Variants in PDE4D observed in about 807,000 individuals in gnomAD.
The protein encoded by PDE4D is phosphodiesterase 4D.
PDE4D carries 24 observed loss-of-function variants against 87.4 expected under a neutral mutation model. The ratio of observed to expected loss-of-function variants is 0.27; its 90% CI spans 0.20 to 0.39. The LOEUF is 0.39. PDE4D is among the 10% of genes least tolerant of loss of function. The pLI is 1.00. For synonymous variants in PDE4D, 384 were observed against 383.2 expected (o/e 1.00, Z -0.02); for missense variants, 714 against 1,041.0 (o/e 0.69, Z 4.32).
chr5:59,685,195 T>C (rs144507948), intron 1 of PDE4D, among the ~76,000 whole-genome samples: 115 of 152,348 alleles, frequency 7.5e-4, no homozygotes, highest in African/African-American at 2.7e-3. Flanking sequence ...CATAACTGTC[T>C]ATGTAGTTTT....
chr5:59,860,944 T>A (rs1373717866), intron 1 of PDE4D, among the ~76,000 whole-genome samples: 1 of 151,954 alleles, frequency 6.6e-6, no homozygotes, highest in Non-Finnish European at 1.5e-5. Context: ...CTGCAACCTC[T>A]GCCTCCCGGG....
At chr5:60,225,977 G>T (rs1044245610) in intron 1 of PDE4D, among the ~76,000 whole-genome samples, 2 of 152,038 alleles carry the variant, frequency 1.3e-5, no homozygotes, top group African/African-American at 4.8e-5. Flanking sequence ...TTTTGAAACT[G>T]TAACAAAATA....
At chr5:59,145,872 A>C (rs1028026957) in intron 5 of PDE4D, among the ~76,000 whole-genome samples, 2 of 152,318 alleles carry the variant, frequency 1.3e-5, no homozygotes, top group African/African-American at 4.8e-5. Context: ...CATGCCTGTA[A>C]TCCCAGCACT....
At chr5:60,106,455 A>T (rs1776930510) in intron 2 of PDE4D, among the ~76,000 whole-genome samples, 2 of 152,080 alleles carry the variant, frequency 1.3e-5, no homozygotes, top group South Asian at 4.2e-4. Flanking sequence ...TCAACGAGAC[A>T]GAAAGTTAAC....
chr5:59,458,228 G>T (rs1800217455), intron 1 of PDE4D, among the ~76,000 whole-genome samples: 1 of 152,176 alleles, frequency 6.6e-6, no homozygotes, highest in African/African-American at 2.4e-5. Context: ...ACCAAAAACT[G>T]TGTAGAAAGA....
intron 5 of PDE4D, among the ~76,000 whole-genome samples, chr5:59,099,568 T>C (rs191708028): frequency 6.7e-6 from 1 of 148,798 alleles, no homozygotes; most frequent in African/African-American, 2.6e-5. Context: ...AATGTGACAG[T>C]ACGAGTTACT....
At chr5:59,798,639 A>T (rs1309423372) in intron 1 of PDE4D, among the ~76,000 whole-genome samples, 2 of 152,232 alleles carry the variant, frequency 1.3e-5, no homozygotes, top group Non-Finnish European at 2.9e-5. Flanking sequence ...TATAGAAATC[A>T]CTGGGTAACT....
rs867462410 is a variant in PDE4D, at chr5:59,716,294, T to C, written c.455+176874A>G. On this transcript the variant is annotated intron_variant, in intron 1 of 14. Transcript: ENST00000340635. ...ACAACTACGCTGCTGACGCTGTACA[T>C]ACATCTTGCGCTCATGGCTCATGGC... Among the ~76,000 whole-genome samples the C allele has an allele frequency of 4.6e-5, 7 of 152,346 alleles. 1 individual carries two copies. The highest frequency in any genetic ancestry group is 6.8e-3 in the Middle Eastern group (2 of 294).
At chr5:60,321,269 A>C (rs11950649) in intron 1 of PDE4D, among the ~76,000 whole-genome samples, 1 of 152,196 alleles carries the variant, frequency 6.6e-6, no homozygotes, top group Non-Finnish European at 1.5e-5. Flanking sequence ...CTGATCTTTG[A>C]CAAAGTCAAC....
At chr5:59,094,321 A>G (rs1015332759) in intron 5 of PDE4D, among the ~76,000 whole-genome samples, 1 of 151,946 alleles carries the variant, frequency 6.6e-6, no homozygotes, top group Non-Finnish European at 1.5e-5. Context: ...TGGAAAATAA[A>G]AATGTGTGTG....
intron 1 of PDE4D, among the ~76,000 whole-genome samples, chr5:59,389,893 A>C (rs1193467083): frequency 6.6e-6 from 1 of 152,170 alleles, no homozygotes; most frequent in African/African-American, 2.4e-5. Flanking sequence ...GGGTACAAGC[A>C]TATAGTTAGA....
intron 2 of PDE4D, among the ~76,000 whole-genome samples, chr5:60,000,779 A>G (rs545694593): frequency 3.4e-4 from 52 of 152,248 alleles, no homozygotes; most frequent in Non-Finnish European, 6.8e-4. Context: ...CATTGATAAC[A>G]TAAATGGGCA....
intron 3 of PDE4D, among the ~76,000 whole-genome samples, chr5:59,925,553 CCA>C (rs1397692064): frequency 6.6e-6 from 1 of 152,076 alleles, no homozygotes; most frequent in African/African-American, 2.4e-5. Flanking sequence ...ACTAAACTCC[CCA>C]GTAAATACAC....
intron 1 of PDE4D, among the ~76,000 whole-genome samples, chr5:59,389,583 A>C (rs1024738265): frequency 6.6e-6 from 1 of 152,134 alleles, no homozygotes; most frequent in African/African-American, 2.4e-5. Flanking sequence ...ATGATCCAGC[A>C]ATCCCACCAC....
At chr5:60,337,013 T>C (rs1326409591) in intron 1 of PDE4D, among the ~76,000 whole-genome samples, 1 of 152,050 alleles carries the variant, frequency 6.6e-6, no homozygotes, top group Admixed American at 6.6e-5. Context: ...AGAACTATGA[T>C]AACTGCTTAA....
intron 1 of PDE4D, among the ~76,000 whole-genome samples, chr5:59,706,041 C>T (rs770435048): frequency 3.3e-5 from 5 of 152,128 alleles, no homozygotes; most frequent in Non-Finnish European, 5.9e-5. Context: ...CATCTCTAGA[C>T]TAGTACCTTG....
At chr5:60,456,362 G>C (rs186183642) in intron 1 of PDE4D, among the ~76,000 whole-genome samples, 1 of 152,224 alleles carries the variant, frequency 6.6e-6, no homozygotes, top group African/African-American at 2.4e-5. Context: ...CCAGGTTTAA[G>C]GGTGCTACTG....
At chr5:58,987,988 C>T (rs1746892979) in intron 11 of PDE4D, among the ~76,000 whole-genome samples, 2 of 152,012 alleles carry the variant, frequency 1.3e-5, no homozygotes, top group Non-Finnish European at 2.9e-5. Context: ...GAGATGTTAA[C>T]AGTGAGAAAA....
chr5:59,059,450 G>A (rs10043357), intron 5 of PDE4D, among the ~76,000 whole-genome samples: 99,821 of 151,972 alleles, frequency 0.66, 32,992 homozygotes, highest in East Asian at 0.88. Context: ...TAATTCTCTC[G>A]TGAGACTTTA....
Sources: allele counts gnomAD v4.1 joint callset (sites outside exome capture counted in the v4.1 genomes callset), GRCh38; gene constraint gnomAD v4.1.1; transcripts MANE v1.5; gene names NCBI Gene and HGNC (gene_info 2026-07-23, HGNC 2026-07-21).